The following JAKMIP3 variants were observed in gnomAD, a reference collection of about 807,000 sequenced individuals.
The protein encoded by JAKMIP3 is Janus kinase and microtubule interacting protein 3.
A neutral mutation model predicts 118.5 loss-of-function variants in JAKMIP3; 58 were observed. That is an observed-to-expected ratio of 0.49 (90% CI 0.40 to 0.61). JAKMIP3 has a LOEUF of 0.61. JAKMIP3 is among the 20% of genes least tolerant of loss of function. JAKMIP3 has a pLI of 0.00. For missense variants in JAKMIP3, 950 were observed against 1,109.0 expected (o/e 0.86, Z 2.04); for synonymous variants, 486 against 451.2 (o/e 1.08, Z -0.98).
chr10:132,089,302 A>G (rs1262218918), intron 1 of JAKMIP3, among the ~76,000 whole-genome samples: 1 of 152,162 alleles, frequency 6.6e-6, no homozygotes, highest in African/African-American at 2.4e-5. Flanking sequence ...CTTGGGCAGT[A>G]TGGCCATTTT....
At position 132,118,175 on chromosome 10, in the gene JAKMIP3, G is replaced by A. The variant is rs568365600; in HGVS notation, c.633+601G>A. Among the ~76,000 whole-genome samples, 3 of 152,268 alleles carry A rather than the reference G, an allele frequency of 2.0e-5. No homozygotes were observed. Among genetic ancestry groups the A allele is most frequent in the South Asian group, 2.1e-4 (1 of 4,830 alleles). On this transcript the variant is annotated intron_variant, in intron 3 of 23. Transcript: ENST00000684848. This position sits in a 1 kb window ranked among gnomAD's most constrained non-coding sequence, Gnocchi z 4.8. Reference sequence around the variant, plus strand: ...CTTGGGCTGGACCAGATGAGCTGCCGGTTTTGTGGATCAATGAGGTCTAAC... The same window carrying A: ...CTTGGGCTGGACCAGATGAGCTGCCAGTTTTGTGGATCAATGAGGTCTAAC...
At chr10:132,058,867 G>A in intron 1 of JAKMIP3, among the ~76,000 whole-genome samples, 1 of 152,222 alleles carries the variant, frequency 6.6e-6, no homozygotes, top group East Asian at 1.9e-4. Context: ...CTTGTAAGTT[G>A]GCACCGTCTG....
At chr10:132,074,994 G>C (rs2040548625) in intron 1 of JAKMIP3, among the ~76,000 whole-genome samples, 1 of 152,148 alleles carries the variant, frequency 6.6e-6, no homozygotes, top group Non-Finnish European at 1.5e-5. Context: ...TTGTAGGTAA[G>C]TGGCTTTATT....
At chr10:132,123,632 C>A (rs999308886) in intron 3 of JAKMIP3, among the ~76,000 whole-genome samples, 1 of 151,598 alleles carries the variant, frequency 6.6e-6, no homozygotes, top group Non-Finnish European at 1.5e-5. Context: ...AGAGCTTGTG[C>A]CAGGCCCTTG....
intron 1 of JAKMIP3, among the ~76,000 whole-genome samples, chr10:132,058,777 A>G (rs548926073): frequency 6.6e-6 from 1 of 152,332 alleles, no homozygotes; most frequent in South Asian, 2.1e-4. Flanking sequence ...AGGGAGTCAT[A>G]TGTCTGGATA....
chr10:132,178,559 C>G (rs1286939365), intron 23 of JAKMIP3, among the ~76,000 whole-genome samples: 2 of 152,230 alleles, frequency 1.3e-5, no homozygotes, highest in Non-Finnish European at 2.9e-5. Context: ...TTGGCCCTCA[C>G]TCCATGTCCT....
chr10:132,151,840 G>A lies in JAKMIP3; in HGVS notation c.2008-1118G>A, dbSNP rs112822093. The stretch of plus-strand genomic sequence containing the variant: ...GGGACAGAGGAGGTTGGATACTGGA[G>A]GGCTCATGGCCAGGCTTAAGCTCAG... On this transcript the variant is annotated intron_variant, in intron 16 of 23. Coordinates refer to ENST00000684848, the MANE Select transcript of JAKMIP3 (RefSeq NM_001323087.2). 6.7e-3 allele frequency among the ~76,000 whole-genome samples: 1,028 copies of A among 152,316 alleles called. 12 individuals are homozygous for A. Among genetic ancestry groups the A allele is most frequent in the African/African-American group, 0.024 (979 of 41,550 alleles).
chr10:132,051,367 G>T (rs534461018), intron 1 of JAKMIP3, among the ~76,000 whole-genome samples: 2 of 150,132 alleles, frequency 1.3e-5, no homozygotes, highest in South Asian at 4.3e-4. Context: ...TGGTTGGGGG[G>T]TACCTGCCTG....
chr10:132,124,645 G>A (rs530710098), intron 3 of JAKMIP3, among the ~76,000 whole-genome samples: 7 of 152,168 alleles, frequency 4.6e-5, no homozygotes, highest in South Asian at 2.1e-4. Context: ...ATTGCCACGC[G>A]GTCACCCGTC....
At chr10:132,137,411 T>G (rs1589909814) in intron 8 of JAKMIP3, 122 bp downstream of exon 8, 1 of 1,241,780 alleles carries the variant, frequency 8.1e-7, no homozygotes, top group Non-Finnish European at 1.1e-6. Context: ...GCCTTTCGGG[T>G]GGATTTTGTT....
At chr10:132,075,303 G>C (rs2040603120) in intron 1 of JAKMIP3, among the ~76,000 whole-genome samples, 1 of 151,274 alleles carries the variant, frequency 6.6e-6, no homozygotes, top group Non-Finnish European at 1.5e-5. Flanking sequence ...GTTTGCTTTA[G>C]GGTTTTCAAA....
At chr10:132,116,174 G>C (rs1163167788) in intron 2 of JAKMIP3, among the ~76,000 whole-genome samples, 1 of 152,258 alleles carries the variant, frequency 6.6e-6, no homozygotes, top group Admixed American at 6.5e-5. Context: ...TTTTGATTCA[G>C]ATACCAACAA....
intron 1 of JAKMIP3, among the ~76,000 whole-genome samples, chr10:132,068,939 G>A (rs2039377039): frequency 6.6e-6 from 1 of 152,192 alleles, no homozygotes; most frequent in Non-Finnish European, 1.5e-5. Flanking sequence ...CCTAGGGAAA[G>A]TGACTCCGGC....
intron 23 of JAKMIP3, among the ~76,000 whole-genome samples, chr10:132,177,036 A>G (rs987416963): frequency 6.6e-6 from 1 of 152,172 alleles, no homozygotes; most frequent in African/African-American, 2.4e-5. Flanking sequence ...GATTTGCACA[A>G]AATCTCAGAA....
chr10:132,048,806 TTTTTTTGTA>T (rs1359587105), intron 1 of JAKMIP3, among the ~76,000 whole-genome samples: 1 of 151,890 alleles, frequency 6.6e-6, no homozygotes, highest in Non-Finnish European at 1.5e-5. Flanking sequence ...CCGACTAATT[TTTTTTTGTA>T]TTTTTTGGTA....
chr10:132,141,776 C>T, intron 10 of JAKMIP3, 144 bp from the exon 11 acceptor site: 1 of 901,648 alleles, frequency 1.1e-6, no homozygotes, highest in Non-Finnish European at 1.6e-6. Context: ...TGGAGCAGGT[C>T]CCCTCCCTCA....
At chr10:132,135,605 C>T (rs758713651) in intron 5 of JAKMIP3, among the ~76,000 whole-genome samples, 2 of 152,264 alleles carry the variant, frequency 1.3e-5, no homozygotes, top group Non-Finnish European at 2.9e-5. Flanking sequence ...CCCCAGACTG[C>T]TGGTCTTCAT....
At position 132,117,287 on chromosome 10, in the gene JAKMIP3, C is replaced by T; in HGVS notation, c.346C>T (p.Leu116=). The T allele has an allele frequency of 3.1e-6, 5 of 1,613,986 alleles. No individual in the cohort carries two copies. In the South Asian group the frequency reaches 5.5e-5, roughly 18 times the overall value. The part of the protein sequence containing the change: ...IKIKDNENQR[L]QALLSALRDG... The stretch of plus-strand genomic sequence containing the variant: ...GATCAAGGACAACGAGAACCAGCGG[C>T]TGCAGGCACTGCTCAGTGCCCTGCG... Residue 116 remains leucine (L), a synonymous_variant, in exon 3 of 24, where the codon CTG becomes TTG. Coordinates refer to ENST00000684848, the MANE Select transcript of JAKMIP3 (RefSeq NM_001323087.2). The surrounding 1 kb of genome is among the most constrained non-coding windows in gnomAD (Gnocchi z 8.6).
At chr10:132,076,609 C>G (rs76047034) in intron 1 of JAKMIP3, among the ~76,000 whole-genome samples, 2,357 of 150,868 alleles carry the variant, frequency 0.016, 69 homozygotes, top group African/African-American at 0.054. Context: ...CGGCATGGGA[C>G]TGGCCTGCGG....
Sources: gnomAD v4.1 joint callset for allele counts (sites outside exome capture counted in the v4.1 genomes callset) on GRCh38, gnomAD v4.1.1 for gene constraint, Gnocchi (gnomAD v3.1) non-coding constraint, MANE v1.5 for transcripts, NCBI Gene and HGNC (gene_info 2026-07-23, HGNC 2026-07-21) for gene names.